The following IQSEC1 variants were observed in gnomAD, a reference collection of about 807,000 sequenced individuals.
IQSEC1 encodes the protein IQ motif and SEC7 domain-containing protein 1.
IQSEC1 carries 31 observed loss-of-function variants against 91.0 expected under a neutral mutation model. The observed-to-expected ratio is 0.34, with a 90% CI of 0.26 to 0.46. The LOEUF (loss-of-function observed/expected upper bound fraction) is 0.46. IQSEC1 is among the 20% of genes least tolerant of loss of function. IQSEC1 has a pLI of 1.00. For synonymous variants in IQSEC1, 699 were observed against 662.6 expected, an observed-to-expected ratio of 1.05 and a Z score of -0.84; for missense variants, 1,388 against 1,575.6, an observed-to-expected ratio of 0.88 and a Z score of 2.02.
At chr3:13,033,663 A>G (rs1377556584) in intron 1 of IQSEC1, among the ~76,000 whole-genome samples, 1 of 152,126 alleles carries the variant, frequency 6.6e-6, no homozygotes, top group African/African-American at 2.4e-5. Flanking sequence ...CAGGCTTGAG[A>G]CCCAAGAAGA....
chr3:13,162,173 C>T (rs867663884), intron 2 of IQSEC1, among the ~76,000 whole-genome samples: 7 of 152,198 alleles, frequency 4.6e-5, no homozygotes, highest in Middle Eastern at 3.2e-3. Flanking sequence ...GTTCTCAGGG[C>T]GACCCCGTAA....
chr3:13,120,424 G>A (rs531469574), intron 2 of IQSEC1, among the ~76,000 whole-genome samples: 1 of 152,278 alleles, frequency 6.6e-6, no homozygotes, highest in African/African-American at 2.4e-5. Context: ...ATGGAGGAAA[G>A]GTCCCATTCC....
intron 1 of IQSEC1, among the ~76,000 whole-genome samples, chr3:13,046,656 T>TCCCTCTC (rs536805063): frequency 3.9e-4 from 57 of 145,424 alleles, no homozygotes; most frequent in African/African-American, 1.4e-3. Flanking sequence ...ACTCCCCTCC[T>TCCCTCTC]CCCTCTCCAT....
At chr3:13,158,756 G>A (rs1364102228) in intron 2 of IQSEC1, among the ~76,000 whole-genome samples, 1 of 152,126 alleles carries the variant, frequency 6.6e-6, no homozygotes, top group African/African-American at 2.4e-5. Context: ...GAGCCCAGGA[G>A]TTCAAGTTCA....
intron 2 of IQSEC1, among the ~76,000 whole-genome samples, chr3:13,120,264 T>C (rs1706401863): frequency 6.6e-6 from 1 of 152,052 alleles, no homozygotes. Flanking sequence ...TCAGCACCAC[T>C]CAGTAAGGTG....
chr3:13,045,076 G>A (rs1175876638), intron 1 of IQSEC1, among the ~76,000 whole-genome samples: 1 of 152,208 alleles, frequency 6.6e-6, no homozygotes, highest in East Asian at 1.9e-4. Context: ...AAGATGGCAG[G>A]ATGGGGCAGG....
At chr3:13,081,520 C>T (rs1705646885) in intron 2 of IQSEC1, among the ~76,000 whole-genome samples, 1 of 152,184 alleles carries the variant, frequency 6.6e-6, no homozygotes, top group Non-Finnish European at 1.5e-5. Flanking sequence ...CCTCCCACCT[C>T]GGCCTCCCAA....
rs1698061644 is a variant in IQSEC1 at position 12,935,236 on chromosome 3, G to A, written c.1568+212C>T. 6.6e-6 allele frequency among the ~76,000 whole-genome samples: 1 copy of A among 152,244 alleles called. No individual in the cohort carries two copies. Among genetic ancestry groups the A allele is most frequent in the Non-Finnish European group, 1.5e-5 (1 of 68,046 alleles). ...CATTCTGCCCCTGCTCAGCCTGTGT[G>A]TGTTGCCATCCCCACCAGCAGTCCC... On this transcript the variant is annotated intron_variant, in intron 3 of 13. Transcript: ENST00000613206. The surrounding 1 kb of genome is among the most constrained non-coding windows in gnomAD (Gnocchi z 8.0).
intron 2 of IQSEC1, among the ~76,000 whole-genome samples, chr3:13,086,584 C>T (rs1266875822): frequency 6.6e-6 from 1 of 152,168 alleles, no homozygotes; most frequent in Admixed American, 6.5e-5. Flanking sequence ...CGCCAGCTTC[C>T]CACTGCACTC....
chr3:12,978,522 C>G (rs1281143034), intron 1 of IQSEC1, among the ~76,000 whole-genome samples: 2 of 151,934 alleles, frequency 1.3e-5, no homozygotes, highest in Non-Finnish European at 2.9e-5. Flanking sequence ...TACGGTGAAA[C>G]CCCGTCTCTA....
At chr3:12,915,765 G>A (rs1238569077) in intron 6 of IQSEC1, 32 bp from the exon 7 acceptor site, 3 of 1,609,988 alleles carry the variant, frequency 1.9e-6, no homozygotes, top group Admixed American at 3.3e-5. Flanking sequence ...ATATCAGGGT[G>A]GGCCCCAGGC....
At chr3:13,118,100 G>GGCTAT (rs1706366386) in intron 2 of IQSEC1, among the ~76,000 whole-genome samples, 1 of 152,118 alleles carries the variant, frequency 6.6e-6, no homozygotes, top group African/African-American at 2.4e-5. Flanking sequence ...GCGAGAAGGA[G>GGCTAT]GCTATTGAAT....
At chr3:12,973,130 AC>A (rs1700985063) in intron 1 of IQSEC1, among the ~76,000 whole-genome samples, 2 of 152,164 alleles carry the variant, frequency 1.3e-5, no homozygotes, top group African/African-American at 4.8e-5. Context: ...GTCCACCCTG[AC>A]CTAGGCTTCT....
At chr3:12,966,314 G>C (rs1057485871) in intron 1 of IQSEC1, among the ~76,000 whole-genome samples, 3 of 152,214 alleles carry the variant, frequency 2.0e-5, no homozygotes, top group Admixed American at 1.3e-4. Context: ...ACATATGCAT[G>C]TTCTCAGTGC....
At chr3:13,082,727 G>A (rs922866170) in intron 2 of IQSEC1, among the ~76,000 whole-genome samples, 1 of 152,206 alleles carries the variant, frequency 6.6e-6, no homozygotes, top group Non-Finnish European at 1.5e-5. Context: ...TCGTAGCTCT[G>A]GTTCCAACCC....
At chr3:13,258,584 G>A (rs1695330702) in intron 1 of IQSEC1, among the ~76,000 whole-genome samples, 1 of 152,156 alleles carries the variant, frequency 6.6e-6, no homozygotes, top group African/African-American at 2.4e-5. Flanking sequence ...CACTCAGGAG[G>A]CTGAGGTGGG....
chr3:13,262,895 G>A (rs1287194839), intron 1 of IQSEC1, among the ~76,000 whole-genome samples: 1 of 152,170 alleles, frequency 6.6e-6, no homozygotes, highest in African/African-American at 2.4e-5. Flanking sequence ...TGGGGGAGGG[G>A]AGGGGGAGTG....
chr3:12,990,211 G>A (rs1445382390), intron 1 of IQSEC1, among the ~76,000 whole-genome samples: 1 of 152,172 alleles, frequency 6.6e-6, no homozygotes, highest in African/African-American at 2.4e-5. Context: ...ATTGGCTGTG[G>A]GAGTCTTGGA....
intron 2 of IQSEC1, among the ~76,000 whole-genome samples, chr3:13,111,266 C>T (rs1706240139): frequency 6.6e-6 from 1 of 152,228 alleles, no homozygotes; most frequent in African/African-American, 2.4e-5. Context: ...CTTCCTGCTT[C>T]TCATTAGAGA....
Sources: gnomAD v4.1 joint callset for allele counts (sites outside exome capture counted in the v4.1 genomes callset) on GRCh38, gnomAD v4.1.1 for gene constraint, Gnocchi (gnomAD v3.1) non-coding constraint, MANE v1.5 for transcripts, NCBI Gene and HGNC (gene_info 2026-07-23, HGNC 2026-07-21) for gene names.